Variants in ZNF500 observed in about 807,000 individuals in gnomAD.
ZNF500 encodes zinc finger protein with KRAB and SCAN domains 18.
In ZNF500, 31 loss-of-function variants were observed where a neutral mutation model predicts 30.1. The ratio of observed to expected loss-of-function variants is 1.03; its 90% CI spans 0.77 to 1.39. ZNF500 has a LOEUF of 1.39. Ranked by LOEUF, ZNF500 falls within the 40% of genes most tolerant of loss-of-function variation. The pLI is 0.00. For missense variants in ZNF500, 817 were observed against 657.8 expected, an observed-to-expected ratio of 1.24 and a Z score of -2.65; for synonymous variants, 392 against 282.0, an observed-to-expected ratio of 1.39 and a Z score of -3.91.
intron 5 of ZNF500, among the ~76,000 whole-genome samples, chr16:4,755,202 C>T (rs2082123830): frequency 1.3e-5 from 2 of 152,226 alleles, no homozygotes; most frequent in African/African-American, 2.4e-5. Context: ...ACTATATTGC[C>T]CAGGCTGGCC....
At chr16:4,763,658 C>A (rs1025047490) in intron 2 of ZNF500, 39 of 985,322 alleles carry the variant, frequency 4.0e-5, no homozygotes, top group Non-Finnish European at 4.6e-5. Flanking sequence ...CCCCTCTCAG[C>A]TCAGTGATGG....
chr16:4,756,874 C>T (rs866789144), intron 5 of ZNF500, among the ~76,000 whole-genome samples: 10 of 151,850 alleles, frequency 6.6e-5, no homozygotes, highest in African/African-American at 1.9e-4. Context: ...ACCAGCTACT[C>T]GGGAGGCTGA....
rs755819308 is a variant in ZNF500, at chr16:4,765,671, G to A, written c.308C>T (p.Pro103Leu). The A allele has an allele frequency of 1.9e-5, 30 of 1,613,442 alleles. No individual in the cohort carries two copies. The Middle Eastern group carries it at 8.3e-4, about 44-fold the overall frequency. ...GCGTACCCGAGCCTGGATCTCCCCC[G>A]GCAGCACAGTCAGGAACTGCTCCAG... ...LVLEQFLTVL[P>L]GEIQARVREQ... is the part of the protein sequence containing the mutation. The change falls in exon 2 of 6, where the codon CCG becomes CTG. Residue 103 changes from proline (P) to leucine (L), a missense_variant. Pro to Leu is a moderately conservative substitution (Grantham distance 98). Coordinates refer to ENST00000219478, the MANE Select transcript of ZNF500 (RefSeq NM_021646.4).
chr16:4,764,004 C>A, intron 2 of ZNF500: 1 of 985,436 alleles, frequency 1.0e-6, no homozygotes, highest in Non-Finnish European at 1.2e-6. Context: ...GGCAGGACTT[C>A]TTTCTAATCT....
At position 4,751,890 on chromosome 16, in the gene ZNF500, A is replaced by C; in HGVS notation, c.*486T>G. The C allele has an allele frequency of 4.3e-6, 1 of 234,656 alleles. No individual in the cohort carries two copies. Among genetic ancestry groups the C allele is most frequent in the Non-Finnish European group, 7.4e-6 (1 of 135,064 alleles). The allele number at this position is 234,656 out of a possible 1,614,324, so 14.5% of individuals were successfully genotyped here. A position where few individuals can be genotyped will look rare whatever the true frequency, so the allele number is the denominator to read the frequency against. Reference sequence around the variant, plus strand: ...GGCACTGTATTCCCGCCTGGGGGACACAGCAAGGCCCCGTCTCAAAAAAAA... The same window carrying C: ...GGCACTGTATTCCCGCCTGGGGGACCCAGCAAGGCCCCGTCTCAAAAAAAA... On this transcript the variant is annotated 3_prime_UTR_variant, in exon 6 of 6. Coordinates refer to ENST00000219478, the MANE Select transcript of ZNF500 (RefSeq NM_021646.4).
At position 4,752,364 on chromosome 16, in the gene ZNF500, C is replaced by G; in HGVS notation, c.*12G>C. ...GATGAGAGTCCTGGAAAGGGAGTTT[C>G]AGGCCTGGTGATCAGGCTTTGGCAC... On this transcript the variant is annotated 3_prime_UTR_variant, in exon 6 of 6. Coordinates refer to ENST00000219478, the MANE Select transcript of ZNF500 (RefSeq NM_021646.4). The G allele has an allele frequency of 6.8e-7, 1 of 1,472,864 alleles. No homozygotes were observed. The highest frequency in any genetic ancestry group is 1.3e-5 in the South Asian group (1 of 74,974). 91.2% of individuals were successfully genotyped at this position (1,472,864 alleles called of 1,614,324 possible).
At chr16:4,745,466 G>C (rs897054813), downstream of ZNF500, among the ~76,000 whole-genome samples, 3 of 152,204 alleles carry the variant, frequency 2.0e-5, no homozygotes, top group African/African-American at 7.2e-5. Flanking sequence ...CAGGGAGAAA[G>C]GCAAGCTGCA....
At chr16:4,757,946 G>C (rs1020981103) in intron 5 of ZNF500, among the ~76,000 whole-genome samples, 1 of 146,908 alleles carries the variant, frequency 6.8e-6, no homozygotes, top group African/African-American at 2.5e-5. Flanking sequence ...TTGTTGCCCA[G>C]GCTGGAGTGC....
downstream of ZNF500, among the ~76,000 whole-genome samples, chr16:4,745,640 A>G (rs947731646): frequency 1.2e-4 from 19 of 152,284 alleles, no homozygotes; most frequent in Admixed American, 5.9e-4. Flanking sequence ...TCTGGAAACC[A>G]AAAGTACCTA....
intron 4 of ZNF500, 72 bp downstream of exon 4, chr16:4,762,199 A>G (rs2082209851): frequency 1.3e-6 from 2 of 1,530,450 alleles, no homozygotes; most frequent in South Asian, 1.2e-5. Flanking sequence ...GTGTCCCCTT[A>G]ACAAGGAAGT....
rs1437660480 is a variant in ZNF500 at position 4,752,964 on chromosome 16, C to A, written c.855G>T (p.Gly285=). ...TCTGACCTGGGAGCGGGTGGCCAGG[C>A]CCCTGGCATCGTGCCGAGAGCACTC... is the stretch of plus-strand genomic sequence containing the variant. ...WYRVLSARCQ[G]PGHPLPGQRP... The change falls in exon 6 of 6, where the codon GGG becomes GGT. Residue 285 remains glycine, a synonymous_variant. Transcript: ENST00000219478. 6 of 1,608,360 alleles carry A rather than the reference C, an allele frequency of 3.7e-6. No homozygotes were observed. In the East Asian group the frequency reaches 8.9e-5, roughly 24 times the overall value.
chr16:4,759,676 C>A (rs2082175857), intron 5 of ZNF500, among the ~76,000 whole-genome samples: 1 of 152,132 alleles, frequency 6.6e-6, no homozygotes, highest in South Asian at 2.1e-4. Context: ...GTGTGTGTAT[C>A]TTCTGTTGGT....
chr16:4,765,991 G>T lies in ZNF500; in HGVS notation c.-13C>A. On this transcript the variant is annotated 5_prime_UTR_variant, in exon 2 of 6. Coordinates refer to ENST00000219478, the MANE Select transcript of ZNF500 (RefSeq NM_021646.4). The stretch of plus-strand genomic sequence containing the variant: ...GGACAGTGGCCATTGCTTCCGGTGG[G>T]CCTTGTTCCTTTTCAGGCCTTAGAG... The T allele has an allele frequency of 6.5e-7, 1 of 1,534,718 alleles. No individual in the cohort carries two copies. The highest frequency in any genetic ancestry group is 1.3e-5 in the South Asian group (1 of 78,502).
At position 4,748,701 on chromosome 16, in the gene ZNF500, T is replaced by C. The variant is rs1426695362; in HGVS notation, c.*3675A>G. On this transcript the variant is annotated 3_prime_UTR_variant, in exon 6 of 6. Coordinates refer to ENST00000219478, the MANE Select transcript of ZNF500 (RefSeq NM_021646.4). ...GATCAGCCCTGACCTGGGCACCTGT[T>C]TGTCTCCCCAACCTTGTCTCCAGGA... 6.6e-6 allele frequency: 1 copy of C among 152,380 alleles called. No individual in the cohort carries two copies. The highest frequency in any genetic ancestry group is 1.5e-5 in the Non-Finnish European group (1 of 68,148). 9.4% of individuals were successfully genotyped at this position (152,380 alleles called of 1,614,324 possible). A position where few individuals can be genotyped will look rare whatever the true frequency, so the allele number is the denominator to read the frequency against.
intron 2 of ZNF500, among the ~76,000 whole-genome samples, chr16:4,763,348 G>A (rs1274157049): frequency 6.6e-6 from 1 of 150,906 alleles, no homozygotes; most frequent in Non-Finnish European, 1.5e-5. Flanking sequence ...GCAGTGAGCC[G>A]AGATCGTGCC....
intron 1 of ZNF500, among the ~76,000 whole-genome samples, 199 bp from the exon 2 acceptor site, chr16:4,766,275 C>G (rs2082264688): frequency 6.6e-6 from 1 of 152,204 alleles, no homozygotes; most frequent in African/African-American, 2.4e-5. Context: ...GCTTTGCTTC[C>G]TCACTGGGCA....
intron 1 of ZNF500, among the ~76,000 whole-genome samples, chr16:4,766,419 T>A (rs1336598129): frequency 6.6e-6 from 1 of 151,838 alleles, no homozygotes; most frequent in Non-Finnish European, 1.5e-5. Flanking sequence ...AGTTCAGGAG[T>A]TGACCACCTG....
chr16:4,763,536 G>A, intron 2 of ZNF500: 1 of 985,278 alleles, frequency 1.0e-6, no homozygotes, highest in Middle Eastern at 5.2e-4. Context: ...ACTTGGACAA[G>A]AGACATCCCT....
At chr16:4,747,353 G>A (rs373473822), downstream of ZNF500, 48 of 1,581,880 alleles carry the variant, frequency 3.0e-5, no homozygotes, top group South Asian at 1.6e-4. Context: ...GACCTGTACC[G>A]GGAAAAGCCA....
Sources: gnomAD v4.1 joint callset for allele counts (sites outside exome capture counted in the v4.1 genomes callset) on GRCh38, gnomAD v4.1.1 for gene constraint, MANE v1.5 for transcripts, NCBI Gene and HGNC (gene_info 2026-07-23, HGNC 2026-07-21) for gene names.